Variants in GALC observed in about 807,000 individuals in gnomAD.
GALC encodes the protein galactocerebrosidase.
A neutral mutation model predicts 91.8 loss-of-function variants in GALC; 77 were observed. That is an observed-to-expected ratio of 0.84 (90% CI 0.70 to 1.01). GALC has a LOEUF of 1.01. Ranked by LOEUF, GALC falls within the 50% of genes least tolerant of loss-of-function variation. GALC has a pLI of 0.00. For missense variants in GALC, 882 were observed against 855.9 expected (o/e 1.03, Z -0.38); for synonymous variants, 357 against 306.7 (o/e 1.16, Z -1.71).
intron 7 of GALC, among the ~76,000 whole-genome samples, chr14:87,970,163 G>A (rs1886226279): frequency 6.6e-6 from 1 of 151,862 alleles, no homozygotes; most frequent in Non-Finnish European, 1.5e-5. Context: ...ATTCAGCTTT[G>A]GTACCTCAGC....
At chr14:87,993,632 A>C, upstream of GALC, 1 of 647,992 alleles carries the variant, frequency 1.5e-6, no homozygotes, top group Non-Finnish European at 2.7e-6. Context: ...GAAGAGCAGC[A>C]GAGTGAGGGA....
intron 6 of GALC, among the ~76,000 whole-genome samples, chr14:87,977,044 GAT>G (rs1886528773): frequency 1.2e-4 from 15 of 124,634 alleles, no homozygotes; most frequent in South Asian, 7.9e-4. Context: ...GGGGGGGGGG[GAT>G]GAAACAAAAA....
chr14:87,987,966 C>T (rs2139758245), intron 3 of GALC, 178 bp downstream of exon 3: 1 of 599,396 alleles, frequency 1.7e-6, no homozygotes, highest in Non-Finnish European at 2.9e-6. Flanking sequence ...ATGGACCAGT[C>T]ATATTCTATA....
intron 7 of GALC, among the ~76,000 whole-genome samples, chr14:87,970,704 C>CAA (rs78291928): frequency 0.02 from 2,266 of 115,898 alleles, 52 homozygotes; most frequent in African/African-American, 0.067. Context: ...ACTAAAAATA[C>CAA]AAAAAAAAAA....
chr14:87,941,487 C>T lies in GALC; in HGVS notation c.1742G>A (p.Arg581Lys), dbSNP rs1884848515. Residue 581 changes from arginine (R) to lysine (K), a missense_variant, in exon 15 of 17, where the codon AGA becomes AAA. Physicochemically the swap from Arg to Lys is conservative, Grantham distance 26 (BLOSUM62 2). Transcript: ENST00000261304. ...AATCAAAATACCACCTTTATTTACT[C>T]TTCCTGCAATGAACACACCTCCTGT... ...PDTGGVFIAG[R>K]VNKGGILIRS... 1 of 1,604,158 alleles carries T rather than the reference C, an allele frequency of 6.2e-7. No homozygotes were observed. The highest frequency in any genetic ancestry group is 1.7e-5 in the Admixed American group (1 of 59,878).
rs448805 is a variant in GALC at position 87,941,390 on chromosome 14, G to C, written c.1834+5C>G. ...ATGCTATTAAAAAAAAAAAAAGTCA[G>C]TTACCTAAATCACCTGTAACCCTGT... On this transcript the variant is annotated splice_donor_5th_base_variant and intron_variant, in intron 15 of 16. Coordinates refer to ENST00000261304, the MANE Select transcript of GALC (RefSeq NM_000153.4). The C allele has an allele frequency of 0.99, 1,548,806 of 1,563,728 alleles. 767,801 individuals are homozygous for C. The highest frequency in any genetic ancestry group is 1 in the Non-Finnish European group (1,145,593 of 1,146,060).
chr14:87,934,392 C>G lies in GALC; in HGVS notation c.*340G>C, dbSNP rs1035745560. On this transcript the variant is annotated 3_prime_UTR_variant, in exon 17 of 17. Coordinates refer to ENST00000261304, the MANE Select transcript of GALC (RefSeq NM_000153.4). ...GATCAAGTTACTGCCATCTACAGGACCGCTTGCAAATAAGATGAAGAGAGC... is the reference window on the plus strand; with the variant it reads ...GATCAAGTTACTGCCATCTACAGGAGCGCTTGCAAATAAGATGAAGAGAGC... 1.6e-6 allele frequency: 2 copies of G among 1,269,478 alleles called. No homozygotes were observed. Among genetic ancestry groups the G allele is most frequent in the African/African-American group, 1.5e-5 (1 of 65,870 alleles). 78.6% of individuals were successfully genotyped at this position (1,269,478 alleles called of 1,614,324 possible).
rs770785840 is a variant in GALC at position 87,934,768 on chromosome 14, T to C, written c.2022A>G (p.Ala674=). The C allele has an allele frequency of 1.2e-6, 2 of 1,613,172 alleles. No individual in the cohort carries two copies. The highest frequency in any genetic ancestry group is 1.7e-5 in the Admixed American group (1 of 59,884). Residue 674 remains alanine (A), a synonymous_variant, in exon 17 of 17, where the codon GCA becomes GCG. Coordinates refer to ENST00000261304, the MANE Select transcript of GALC (RefSeq NM_000153.4). ...AAIGTHSFEF[A]QFDNFLVEAT... ...CTTCCACAAGAAAGTTGTCAAACTG[T>C]GCAAATTCAAAGGAGTGAGTTCCAA...
Position 87,950,652 on chromosome 14 carries a change from T to G in GALC, c.1251+7A>C, listed in dbSNP as rs1257896807. On this transcript the variant is annotated splice_region_variant and intron_variant, in intron 11 of 16. Transcript: ENST00000261304. ...AAACTAAAATAAAGTTAAACATATT[T>G]ACTTACAAAAGATCCCTTAAGAACA... is the stretch of plus-strand genomic sequence containing the variant. 11 of 1,526,740 alleles carry G rather than the reference T, an allele frequency of 7.2e-6. No individual in the cohort carries two copies. The highest frequency in any genetic ancestry group is 1.0e-5 in the Non-Finnish European group (11 of 1,102,074). 94.6% of individuals were successfully genotyped at this position (1,526,740 alleles called of 1,614,324 possible). A position where few individuals can be genotyped will look rare whatever the true frequency, so the allele number is the denominator to read the frequency against.
At chr14:87,954,477 T>C in intron 10 of GALC, 1 of 1,577,920 alleles carries the variant, frequency 6.3e-7, no homozygotes, top group Non-Finnish European at 8.7e-7. Flanking sequence ...AAATATCTTT[T>C]TGTTCAGCGC....
At chr14:87,978,051 G>T (rs1886577731) in intron 6 of GALC, among the ~76,000 whole-genome samples, 1 of 152,098 alleles carries the variant, frequency 6.6e-6, no homozygotes, top group African/African-American at 2.4e-5. Flanking sequence ...TCATCACCCT[G>T]AAGTTCTTCC....
intron 16 of GALC, among the ~76,000 whole-genome samples, chr14:87,939,147 G>T (rs954354131): frequency 6.6e-6 from 1 of 151,890 alleles, no homozygotes; most frequent in African/African-American, 2.4e-5. Flanking sequence ...AATTTGGCTA[G>T]TGTGGTATAG....
At chr14:87,939,497 T>C (rs971050367) in intron 16 of GALC, among the ~76,000 whole-genome samples, 2 of 151,988 alleles carry the variant, frequency 1.3e-5, no homozygotes, top group Admixed American at 1.3e-4. Flanking sequence ...TGGAAACCAA[T>C]TTCTAAAAAT....
intron 10 of GALC, among the ~76,000 whole-genome samples, chr14:87,956,585 C>T (rs111865607): frequency 0.12 from 16,993 of 137,218 alleles, 1,157 homozygotes; most frequent in Non-Finnish European, 0.16. Context: ...ACACACACAC[C>T]ATATATATAC....
intron 1 of GALC, chr14:87,992,438 C>G: frequency 6.5e-7 from 1 of 1,535,340 alleles, no homozygotes; most frequent in Non-Finnish European, 8.7e-7. Flanking sequence ...TCGGCGCTAC[C>G]CTCTCTGGAG....
intron 12 of GALC, among the ~76,000 whole-genome samples, chr14:87,949,019 C>T (rs1378883716): frequency 6.6e-6 from 1 of 152,002 alleles, no homozygotes; most frequent in East Asian, 1.9e-4. Flanking sequence ...AGGCAAGGCT[C>T]AGTCTTCAAG....
chr14:87,991,524 T>G (rs570899503), intron 1 of GALC, among the ~76,000 whole-genome samples: 21 of 152,288 alleles, frequency 1.4e-4, no homozygotes, highest in African/African-American at 5.1e-4. Context: ...CTACTTACTG[T>G]ACCATACCGC....
chr14:87,937,471 T>C (rs1049220228), intron 16 of GALC, among the ~76,000 whole-genome samples: 1 of 151,854 alleles, frequency 6.6e-6, no homozygotes, highest in Non-Finnish European at 1.5e-5. Flanking sequence ...AGAATGCCCA[T>C]AGTTGATGAA....
chr14:87,983,815 A>G (rs1886851796), intron 5 of GALC, among the ~76,000 whole-genome samples: 1 of 152,220 alleles, frequency 6.6e-6, no homozygotes, highest in African/African-American at 2.4e-5. Flanking sequence ...AGGTGAACGC[A>G]GATTTCAGCC....
Sources: gnomAD v4.1 joint callset for allele counts (sites outside exome capture counted in the v4.1 genomes callset) on GRCh38, gnomAD v4.1.1 for gene constraint, MANE v1.5 for transcripts, NCBI Gene and HGNC (gene_info 2026-07-23, HGNC 2026-07-21) for gene names.